The following ZFAND1 variants were observed in gnomAD, a reference collection of about 807,000 sequenced individuals.
ZFAND1 encodes the protein AN1-type zinc finger protein 1.
ZFAND1 carries 40 observed loss-of-function variants against 38.5 expected under a neutral mutation model. The ratio of observed to expected loss-of-function variants is 1.04; its 90% CI spans 0.81 to 1.35. The LOEUF (loss-of-function observed/expected upper bound fraction) is 1.35. ZFAND1 is among the 40% of genes most tolerant of loss of function. The pLI, the probability that ZFAND1 is intolerant of heterozygous loss-of-function variation, is 0.00. For missense variants in ZFAND1, 346 were observed against 316.3 expected (o/e 1.09, Z -0.71); for synonymous variants, 117 against 103.6 (o/e 1.13, Z -0.78).
At chr8:81,713,269 CCCACCACCACACCTG>C (rs1192810708) in intron 6 of ZFAND1, among the ~76,000 whole-genome samples, 5 of 29,354 alleles carry the variant, frequency 1.7e-4, no homozygotes, top group Non-Finnish European at 4.8e-4. Flanking sequence ...ACTACAGGCG[CCCACCACCACACCTG>C]GCTAATTTTT....
chr8:81,718,978 C>G (rs894454192), intron 1 of ZFAND1, among the ~76,000 whole-genome samples: 1 of 151,698 alleles, frequency 6.6e-6, no homozygotes. Flanking sequence ...CAAGCACATC[C>G]TTTCTGTGTA....
chr8:81,716,591 T>C (rs1808319469), intron 3 of ZFAND1, among the ~76,000 whole-genome samples: 1 of 152,064 alleles, frequency 6.6e-6, no homozygotes, highest in Admixed American at 6.6e-5. Flanking sequence ...AACACAACAG[T>C]GAAGGACACA....
intron 1 of ZFAND1, 47 bp downstream of exon 1, chr8:81,721,180 C>T: frequency 6.5e-7 from 1 of 1,543,352 alleles, no homozygotes; most frequent in South Asian, 1.2e-5. Flanking sequence ...AAAGCGGAGC[C>T]CTGGTCTCCC....
chr8:81,713,892 T>C, intron 6 of ZFAND1, 26 bp downstream of exon 6: 1 of 1,611,266 alleles, frequency 6.2e-7, no homozygotes, highest in Non-Finnish European at 8.5e-7. Context: ...GAAATTTTTG[T>C]GTTTTAAAAA....
intron 6 of ZFAND1, among the ~76,000 whole-genome samples, chr8:81,713,332 C>A (rs1585926342): frequency 6.6e-6 from 1 of 151,974 alleles, no homozygotes; most frequent in Non-Finnish European, 1.5e-5. Flanking sequence ...ACCGTGTTAG[C>A]CAGGATGGTC....
chr8:81,713,486 G>GGTAT (rs1411061052), intron 6 of ZFAND1, among the ~76,000 whole-genome samples: 7 of 151,834 alleles, frequency 4.6e-5, no homozygotes, highest in East Asian at 1.9e-4. Flanking sequence ...ACTGTGTTAA[G>GGTAT]GTATGTATGT....
chr8:81,713,268 GCCCACCACCACACC>G (rs1563607725), intron 6 of ZFAND1, among the ~76,000 whole-genome samples: 1,607 of 151,524 alleles, frequency 0.011, 12 homozygotes, highest in Non-Finnish European at 0.015. Flanking sequence ...GACTACAGGC[GCCCACCACCACACC>G]TGGCTAATTT....
chr8:81,702,998 T>G lies in ZFAND1; in HGVS notation c.607A>C (p.Lys203Gln). 4 of 1,534,484 alleles carry G rather than the reference T, an allele frequency of 2.6e-6. No individual in the cohort carries two copies. The highest frequency in any genetic ancestry group is 3.5e-6 in the Non-Finnish European group (4 of 1,140,490). ...GCTGTAAATTTGTTATTGTCATTTT[T>G]AAGCCTGGCTAGAGAAGCGGCAAAG... is the stretch of plus-strand genomic sequence containing the variant. ...IDFAASLARL[K>Q]NDNNKFTAKK... Residue 203 changes from lysine (K) to glutamine (Q), a missense_variant, in exon 7 of 8, where the codon AAA (lysine) becomes CAA (glutamine). Coordinates refer to ENST00000220669, the MANE Select transcript of ZFAND1 (RefSeq NM_024699.3).
At position 81,709,114 on chromosome 8, in the gene ZFAND1, T is replaced by C. The variant is rs147657567; in HGVS notation, c.480+4804A>G. On this transcript the variant is annotated intron_variant, in intron 6 of 7. Coordinates refer to ENST00000220669, the MANE Select transcript of ZFAND1 (RefSeq NM_024699.3). The stretch of plus-strand genomic sequence containing the variant: ...TAGCCAAAACTGGAAACAAAGTGAA[T>C]GCTCATTAATTGAAAAATGACAAAA... Among the ~76,000 whole-genome samples the C allele has an allele frequency of 1.4e-4, 21 of 152,286 alleles. No individual in the cohort carries two copies. In the South Asian group the frequency reaches 3.9e-3, roughly 29 times the overall value.
intron 6 of ZFAND1, among the ~76,000 whole-genome samples, chr8:81,709,113 A>C (rs751999132): frequency 1.3e-5 from 2 of 152,198 alleles, no homozygotes; most frequent in Non-Finnish European, 2.9e-5. Flanking sequence ...AACAAAGTGA[A>C]TGCTCATTAA....
intron 5 of ZFAND1, 98 bp downstream of exon 5, chr8:81,714,705 TG>T: frequency 1.0e-6 from 1 of 969,414 alleles, no homozygotes; most frequent in Non-Finnish European, 1.6e-6. Flanking sequence ...CGAATACCAC[TG>T]GGGTTATTAA....
In ZFAND1 at chr8:81,712,317, A is replaced by T. The variant is rs114884838; in HGVS notation, c.480+1601T>A. On this transcript the variant is annotated intron_variant, in intron 6 of 7. Coordinates refer to ENST00000220669, the MANE Select transcript of ZFAND1 (RefSeq NM_024699.3). ...GAAACTTTAGATACATTTGCATTAA[A>T]GTCAGAAACATGATTAAGATTCCTT... is the stretch of plus-strand genomic sequence containing the variant. Among the ~76,000 whole-genome samples, 1,156 of 152,282 alleles carry T rather than the reference A, an allele frequency of 7.6e-3. 11 individuals carry two copies. The highest frequency in any genetic ancestry group is 0.025 in the African/African-American group (1,060 of 41,572).
chr8:81,701,415 A>G lies in ZFAND1; in HGVS notation c.*1280T>C, dbSNP rs960488694. On this transcript the variant is annotated 3_prime_UTR_variant, in exon 8 of 8. Transcript: ENST00000220669. Reference sequence around the variant, plus strand: ...AATGCTATTGCACATTAAATAGACTATAGTATAGTGTAAACATAATTTTTA... The same window carrying G: ...AATGCTATTGCACATTAAATAGACTGTAGTATAGTGTAAACATAATTTTTA... 6.6e-6 allele frequency: 1 copy of G among 152,150 alleles called. No individual in the cohort carries two copies. The highest frequency in any genetic ancestry group is 1.5e-5 in the Non-Finnish European group (1 of 68,042). 9.4% of individuals were successfully genotyped at this position (152,150 alleles called of 1,614,324 possible).
chr8:81,703,660 T>G (rs1748977665), intron 6 of ZFAND1, among the ~76,000 whole-genome samples: 1 of 152,122 alleles, frequency 6.6e-6, no homozygotes, highest in Non-Finnish European at 1.5e-5. Flanking sequence ...TGACCTCAGG[T>G]GATCCACCCG....
chr8:81,711,579 C>T (rs74527011), intron 6 of ZFAND1, among the ~76,000 whole-genome samples: 7,029 of 152,118 alleles, frequency 0.046, 216 homozygotes, highest in East Asian at 0.14. Context: ...AATCATGGTT[C>T]TTTGAAAACA....
At chr8:81,704,818 A>G (rs900977694) in intron 6 of ZFAND1, among the ~76,000 whole-genome samples, 2 of 152,326 alleles carry the variant, frequency 1.3e-5, no homozygotes, top group Admixed American at 6.5e-5. Flanking sequence ...GGTAACGAGT[A>G]TTAAAAGAAA....
intron 6 of ZFAND1, among the ~76,000 whole-genome samples, chr8:81,707,025 A>G (rs567634508): frequency 6.6e-6 from 1 of 152,356 alleles, no homozygotes; most frequent in East Asian, 1.9e-4. Context: ...ATGTCATAAA[A>G]ATGTCATTTC....
chr8:81,708,670 G>A (rs561537592), intron 6 of ZFAND1: 1 of 746,318 alleles, frequency 1.3e-6, no homozygotes, highest in Admixed American at 6.1e-5. Flanking sequence ...ATAGCCACCA[G>A]ACTGTAAAAT....
intron 6 of ZFAND1, among the ~76,000 whole-genome samples, chr8:81,705,826 G>A (rs1360724850): frequency 6.6e-6 from 1 of 152,242 alleles, no homozygotes; most frequent in African/African-American, 2.4e-5. Context: ...GGCTAGGCAC[G>A]AGAATTGTTT....
Sources: gnomAD v4.1 joint callset for allele counts (sites outside exome capture counted in the v4.1 genomes callset) on GRCh38, gnomAD v4.1.1 for gene constraint, MANE v1.5 for transcripts, NCBI Gene and HGNC (gene_info 2026-07-23, HGNC 2026-07-21) for gene names.